CXCL11: variants seen among roughly 807,000 people sequenced by gnomAD.
CXCL11 encodes C-X-C motif chemokine 11.
A neutral mutation model predicts 9.7 loss-of-function variants in CXCL11; 7 were observed. The observed-to-expected ratio is 0.72, with a 90% CI of 0.41 to 1.36. CXCL11 has a LOEUF of 1.36. Ranked by LOEUF, CXCL11 falls within the 40% of genes most tolerant of loss-of-function variation. The pLI is 0.01. For missense variants in CXCL11, 107 were observed against 113.4 expected, an observed-to-expected ratio of 0.94 and a Z score of 0.26; for synonymous variants, 35 against 34.4, an observed-to-expected ratio of 1.02 and a Z score of -0.06.
In CXCL11 at chr4:76,034,692, A is replaced by G; in HGVS notation, c.*101T>C. 1 of 914,806 alleles carries G rather than the reference A, an allele frequency of 1.1e-6. No homozygotes were observed. The highest frequency in any genetic ancestry group is 1.7e-6 in the Non-Finnish European group (1 of 589,096). 56.7% of individuals were successfully genotyped at this position (914,806 alleles called of 1,614,324 possible). On this transcript the variant is annotated 3_prime_UTR_variant, in exon 4 of 4. Coordinates refer to ENST00000306621, the MANE Select transcript of CXCL11 (RefSeq NM_005409.5). ...AGTCACAAAACCATAGAAAAGTCTCAGTTTCCTACTGTAGAATTCTTGTCA... is the reference window on the plus strand; with the variant it reads ...AGTCACAAAACCATAGAAAAGTCTCGGTTTCCTACTGTAGAATTCTTGTCA...
intron 3 of CXCL11, 107 bp from the exon 4 acceptor site, chr4:76,034,923 T>C: frequency 7.4e-7 from 1 of 1,354,944 alleles, no homozygotes; most frequent in African/African-American, 1.5e-5. Context: ...CAAGGACCCC[T>C]TAACAGAATA....
rs67413521 is a variant in CXCL11 at position 76,034,268 on chromosome 4, A to G, written c.*525T>C. Reference sequence around the variant, plus strand: ...TTGAGGAATGTTTTACGACACATAGATGCTTTTGACTTATAAGGGCTTGAC... The same window carrying G: ...TTGAGGAATGTTTTACGACACATAGGTGCTTTTGACTTATAAGGGCTTGAC... On this transcript the variant is annotated 3_prime_UTR_variant, in exon 4 of 4. Coordinates refer to ENST00000306621, the MANE Select transcript of CXCL11 (RefSeq NM_005409.5). 37,862 of 395,954 alleles carry G rather than the reference A, an allele frequency of 0.096. 2,274 individuals are homozygous for G. The highest frequency in any genetic ancestry group is 0.19 in the African/African-American group (9,020 of 48,666). The allele number at this position is 395,954 out of a possible 1,614,324, so 24.5% of individuals were successfully genotyped here. A position where few individuals can be genotyped will look rare whatever the true frequency, so the allele number is the denominator to read the frequency against.
rs752049858 is a variant in CXCL11, at chr4:76,034,748, G to T, written c.*45C>A. 130 of 1,401,978 alleles carry T rather than the reference G, an allele frequency of 9.3e-5. No homozygotes were observed. Among genetic ancestry groups the T allele is most frequent in the Non-Finnish European group, 1.3e-4 (127 of 1,001,140 alleles). The allele number at this position is 1,401,978 out of a possible 1,614,324, so 86.8% of individuals were successfully genotyped here. The stretch of plus-strand genomic sequence containing the variant: ...GTAGTCACAGTTAAACTTGTTCTAG[G>T]TTTTTCAGATGCTCTTTTCCAGGAC... On this transcript the variant is annotated 3_prime_UTR_variant, in exon 4 of 4. Transcript: ENST00000306621.
In CXCL11 at chr4:76,034,431, G is replaced by T; in HGVS notation, c.*362C>A. The T allele has an allele frequency of 2.1e-6, 1 of 481,668 alleles. No individual in the cohort carries two copies. 29.8% of individuals were successfully genotyped at this position (481,668 alleles called of 1,614,324 possible). ...TAGTTGTAAGCATCAAATCTAGAAG[G>T]TTCTCTAGCCTAGAAATGCATGAAT... On this transcript the variant is annotated 3_prime_UTR_variant, in exon 4 of 4. Transcript: ENST00000306621.
chr4:76,034,868 C>T, intron 3 of CXCL11, 52 bp from the exon 4 acceptor site: 2 of 1,507,856 alleles, frequency 1.3e-6, no homozygotes, highest in Non-Finnish European at 1.8e-6. Context: ...TTGTTTCCCC[C>T]AGGACATCTA....
In CXCL11 at chr4:76,034,696, T is replaced by C; in HGVS notation, c.*97A>G. 1 of 945,580 alleles carries C rather than the reference T, an allele frequency of 1.1e-6. No homozygotes were observed. Among genetic ancestry groups the C allele is most frequent in the Non-Finnish European group, 1.6e-6 (1 of 612,214 alleles). The allele number at this position is 945,580 out of a possible 1,614,324, so 58.6% of individuals were successfully genotyped here. ...ACAAAACCATAGAAAAGTCTCAGTT[T>C]CCTACTGTAGAATTCTTGTCATTTC... On this transcript the variant is annotated 3_prime_UTR_variant, in exon 4 of 4. Coordinates refer to ENST00000306621, the MANE Select transcript of CXCL11 (RefSeq NM_005409.5).
intron 3 of CXCL11, 101 bp from the exon 4 acceptor site, chr4:76,034,917 GACCCCTTA>G (rs1186290649): frequency 1.6e-5 from 21 of 1,343,106 alleles, no homozygotes; most frequent in African/African-American, 2.9e-5. Flanking sequence ...TACAACCAAG[GACCCCTTA>G]ACAGAATATT....
rs1734191385 is a variant in CXCL11, at chr4:76,034,759, G to A, written c.*34C>T. ...TAAACTTGTTCTAGGTTTTTCAGAT[G>A]CTCTTTTCCAGGACTTCATATGTTT... On this transcript the variant is annotated 3_prime_UTR_variant, in exon 4 of 4. Coordinates refer to ENST00000306621, the MANE Select transcript of CXCL11 (RefSeq NM_005409.5). The A allele has an allele frequency of 2.1e-6, 3 of 1,445,706 alleles. No individual in the cohort carries two copies. In the African/African-American group the frequency reaches 4.2e-5, roughly 20 times the overall value. The allele number at this position is 1,445,706 out of a possible 1,614,324, so 89.6% of individuals were successfully genotyped here.
Position 76,035,118 on chromosome 4 carries a change from T to C in CXCL11, c.190A>G (p.Ile64Val), listed in dbSNP as rs763146774. The C allele has an allele frequency of 1.4e-5, 22 of 1,588,918 alleles. No individual in the cohort carries two copies. In the East Asian group the frequency reaches 4.2e-4, roughly 30 times the overall value. Residue 64 changes from isoleucine (I) to valine (V), a missense_variant and splice_region_variant, in exon 3 of 4, where the codon ATT becomes GTT. Coordinates refer to ENST00000306621, the MANE Select transcript of CXCL11 (RefSeq NM_005409.5). Reference protein sequence around the residue: ...SNNCDKIEVIITLKENKGQRC... With the variant: ...SNNCDKIEVIVTLKENKGQRC... ...TGTCCTTTATTTTCTTTCAGGGTAA[T>C]ACTGTTAAAAGAACATACAAGAGTC...
At chr4:76,035,827 A>T in intron 1 of CXCL11, 100 bp downstream of exon 1, 1 of 1,091,954 alleles carries the variant, frequency 9.2e-7, no homozygotes, top group Non-Finnish European at 1.4e-6. Flanking sequence ...GTGAGATTAA[A>T]TAAAACTTTA....
chr4:76,035,859 T>G lies in CXCL11; in HGVS notation c.61+68A>C, dbSNP rs1278835344. 8 of 1,372,340 alleles carry G rather than the reference T, an allele frequency of 5.8e-6. No individual in the cohort carries two copies. In the East Asian group the frequency reaches 1.8e-4, roughly 31 times the overall value. 85.0% of individuals were successfully genotyped at this position (1,372,340 alleles called of 1,614,324 possible). A position where few individuals can be genotyped will look rare whatever the true frequency, so the allele number is the denominator to read the frequency against. On this transcript the variant is annotated intron_variant, in intron 1 of 3. Coordinates refer to ENST00000306621, the MANE Select transcript of CXCL11 (RefSeq NM_005409.5). ...TTTATCATGTCTTTTAGGATAAAAG[T>G]GGAAGAAAAGACATTTGAAACATTA...
Position 76,035,924 on chromosome 4 carries a change from T to C in CXCL11, c.61+3A>G. The C allele has an allele frequency of 6.2e-7, 1 of 1,612,330 alleles. No homozygotes were observed. Among genetic ancestry groups the C allele is most frequent in the Non-Finnish European group, 8.5e-7 (1 of 1,179,142 alleles). ...AGGTTGAGAAATAAAAATTACTGCA[T>C]ACCTTGAACAACTGTAGCACACAAT... On this transcript the variant is annotated splice_donor_region_variant and intron_variant, in intron 1 of 3. Coordinates refer to ENST00000306621, the MANE Select transcript of CXCL11 (RefSeq NM_005409.5).
In CXCL11 at chr4:76,035,345, A is replaced by G. The variant is rs1734281877; in HGVS notation, c.62-3T>C. The G allele has an allele frequency of 2.5e-6, 4 of 1,613,576 alleles. No individual in the cohort carries two copies. The highest frequency in any genetic ancestry group is 3.4e-6 in the Non-Finnish European group (4 of 1,179,704). The stretch of plus-strand genomic sequence containing the variant: ...TCCTCTTTTGAACATGGGGAAGCCT[A>G]GAATAGATCATAGCATTAGTTAGTA... On this transcript the variant is annotated splice_polypyrimidine_tract_variant and splice_region_variant and intron_variant, in intron 1 of 3. Coordinates refer to ENST00000306621, the MANE Select transcript of CXCL11 (RefSeq NM_005409.5).
intron 3 of CXCL11, 100 bp downstream of exon 3, chr4:76,034,947 C>T: frequency 3.6e-6 from 5 of 1,370,838 alleles, no homozygotes; most frequent in Middle Eastern, 1.8e-4. Flanking sequence ...CACACAGGAT[C>T]ATAGCAGAAT....
At chr4:76,035,446 GA>G (rs1734295881) in intron 1 of CXCL11, 104 bp from the exon 2 acceptor site, 1 of 1,190,338 alleles carries the variant, frequency 8.4e-7, no homozygotes, top group African/African-American at 1.6e-5. Flanking sequence ...TAAGGGTAAA[GA>G]TAGTAATTTG....
chr4:76,035,943 A>C lies in CXCL11; in HGVS notation c.45T>G (p.Cys15Trp). 6.2e-7 allele frequency: 1 copy of C among 1,613,850 alleles called. No homozygotes were observed. The highest frequency in any genetic ancestry group is 8.5e-7 in the Non-Finnish European group (1 of 1,179,862). The change falls in exon 1 of 4, where the codon TGT (cysteine) becomes TGG (tryptophan). Residue 15 changes from cysteine to tryptophan, a missense_variant. Physicochemically the swap from Cys to Trp is radical, Grantham distance 215 (BLOSUM62 -2). Transcript: ENST00000306621. Reference sequence around the variant, plus strand: ...ACTGCATACCTTGAACAACTGTAGCACACAATATCACAGCCAAGGCTATAG... The same window carrying C: ...ACTGCATACCTTGAACAACTGTAGCCCACAATATCACAGCCAAGGCTATAG... ...GMAIALAVIL[C>W]ATVVQGFPMF...
At chr4:76,035,419 G>T (rs1001939834) in intron 1 of CXCL11, 77 bp from the exon 2 acceptor site, 1 of 1,464,414 alleles carries the variant, frequency 6.8e-7, no homozygotes, top group South Asian at 1.3e-5. Context: ...GGTGGTGAAC[G>T]TGAGCAGAAT....
intron 3 of CXCL11, 91 bp from the exon 4 acceptor site, chr4:76,034,907 T>TA: frequency 7.3e-7 from 1 of 1,369,762 alleles, no homozygotes; most frequent in South Asian, 1.2e-5. Context: ...GGGAAGCTGT[T>TA]ACAACCAAGG....
At chr4:76,035,788 T>C in intron 1 of CXCL11, 139 bp downstream of exon 1, 1 of 703,234 alleles carries the variant, frequency 1.4e-6, no homozygotes, top group South Asian at 2.0e-5. Context: ...CCACCATTTC[T>C]GTGCTAAAGC....
Sources: gnomAD v4.1 joint callset for allele counts on GRCh38, gnomAD v4.1.1 for gene constraint, MANE v1.5 for transcripts, NCBI Gene and HGNC (gene_info 2026-07-23, HGNC 2026-07-21) for gene names.